The following PCDHGA3 variants were observed in gnomAD, a reference collection of about 807,000 sequenced individuals.
The protein encoded by PCDHGA3 is protocadherin gamma-A3.
Under a neutral mutation model 58.5 loss-of-function variants are expected in PCDHGA3, and 40 were observed. The observed-to-expected ratio is 0.68, with a 90% CI of 0.53 to 0.89. The LOEUF is 0.89. PCDHGA3 is among the 40% of genes least tolerant of loss of function. The pLI is 0.00. For missense variants in PCDHGA3, 1,223 were observed against 1,195.9 expected (o/e 1.02, Z -0.33); for synonymous variants, 530 against 525.7 (o/e 1.01, Z -0.11).
intron 1 of PCDHGA3, chr5:141,371,961 G>T (rs532361069): frequency 3.1e-6 from 5 of 1,613,240 alleles, no homozygotes; most frequent in Admixed American, 1.7e-5. Flanking sequence ...CTTCGACCAC[G>T]AGCAGCTGCG....
At chr5:141,365,311 T>C in intron 1 of PCDHGA3, 1 of 1,613,980 alleles carries the variant, frequency 6.2e-7, no homozygotes, top group Non-Finnish European at 8.5e-7. Flanking sequence ...GAGGCGCTCT[T>C]GTTGCCAGCG....
intron 1 of PCDHGA3, among the ~76,000 whole-genome samples, chr5:141,463,073 C>G (rs911706393): frequency 6.6e-6 from 1 of 152,110 alleles, no homozygotes; most frequent in African/African-American, 2.4e-5. Flanking sequence ...AAATGAAATT[C>G]AAACATTTTC....
chr5:141,397,359 A>T (rs372780097), intron 1 of PCDHGA3, among the ~76,000 whole-genome samples: 10 of 152,226 alleles, frequency 6.6e-5, no homozygotes, highest in African/African-American at 2.4e-4. Flanking sequence ...AGTCAGGAAG[A>T]GGAGATGTTT....
chr5:141,466,203 C>G (rs1291051063), intron 1 of PCDHGA3, among the ~76,000 whole-genome samples: 1 of 151,914 alleles, frequency 6.6e-6, no homozygotes, highest in Non-Finnish European at 1.5e-5. Context: ...CACAGCCTTG[C>G]TCTGTTACCC....
In PCDHGA3 at chr5:141,389,561, G is replaced by A. The variant is rs115696241; in HGVS notation, c.2424+43104G>A. On this transcript the variant is annotated intron_variant, in intron 1 of 3. Transcript: ENST00000253812. Reference sequence around the variant, plus strand: ...ACGACCGCAACGACAATGCGCCACGGGTGCTGTACCCCGCGCTGGGTCCCG... The same window carrying A: ...ACGACCGCAACGACAATGCGCCACGAGTGCTGTACCCCGCGCTGGGTCCCG... 3,114 of 1,613,258 alleles carry A rather than the reference G, an allele frequency of 1.9e-3. 62 individuals carry two copies. The African/African-American group carries it at 0.034, about 18-fold the overall frequency.
rs150249178 is a variant in PCDHGA3 at position 141,432,742 on chromosome 5, C to A, written c.2425-62065C>A. 154 of 1,614,076 alleles carry A rather than the reference C, an allele frequency of 9.5e-5. No individual in the cohort carries two copies. In the Middle Eastern group the frequency reaches 1.3e-3, roughly 14 times the overall value. On this transcript the variant is annotated intron_variant, in intron 1 of 3. Transcript: ENST00000253812. This position sits in a 1 kb window ranked among gnomAD's most constrained non-coding sequence, Gnocchi z 6.0. ...CTCTCTCCGCCACTGTCACGCTCAC[C>A]GTGGCCGTGGCCGACAGCATCCCCC... is the stretch of plus-strand genomic sequence containing the variant.
chr5:141,364,993 A>C, intron 1 of PCDHGA3: 1 of 1,613,740 alleles, frequency 6.2e-7, no homozygotes, highest in Non-Finnish European at 8.5e-7. Context: ...GAGACCCGGT[A>C]CTCTCCGGCA....
At position 141,404,471 on chromosome 5, in the gene PCDHGA3, A is replaced by G. The variant is rs200620626; in HGVS notation, c.2424+58014A>G. ...GTCTCCTCTCTCCACCTATGTCTCT[A>G]TTAACTCAGACACTGGTGTGCTGTA... On this transcript the variant is annotated intron_variant, in intron 1 of 3. Coordinates refer to ENST00000253812, the MANE Select transcript of PCDHGA3 (RefSeq NM_018916.4). 307 of 1,613,160 alleles carry G rather than the reference A, an allele frequency of 1.9e-4. No homozygotes were observed. Among genetic ancestry groups the G allele is most frequent in the Non-Finnish European group, 2.5e-4 (293 of 1,179,322 alleles).
chr5:141,371,712 C>T (rs1403380623), intron 1 of PCDHGA3: 1 of 1,614,078 alleles, frequency 6.2e-7, no homozygotes, highest in Admixed American at 1.7e-5. Context: ...GACCATCACT[C>T]TGCACATCCT....
intron 1 of PCDHGA3, chr5:141,414,562 A>G (rs770740530): frequency 3.1e-6 from 5 of 1,613,924 alleles, no homozygotes; most frequent in Non-Finnish European, 4.2e-6. Context: ...CTCCTACTTT[A>G]CCTATATCCC....
intron 1 of PCDHGA3, chr5:141,383,742 T>C: frequency 6.2e-7 from 1 of 1,613,986 alleles, no homozygotes; most frequent in Non-Finnish European, 8.5e-7. Flanking sequence ...CATATTCTTT[T>C]CGGAAAATAA....
intron 3 of PCDHGA3, among the ~76,000 whole-genome samples, chr5:141,506,943 T>A (rs2099857373): frequency 6.6e-6 from 1 of 152,192 alleles, no homozygotes; most frequent in South Asian, 2.1e-4. Context: ...GGGCCTCCTG[T>A]CAATGAATCC....
chr5:141,489,300 C>A lies in PCDHGA3; in HGVS notation c.2425-5507C>A. On this transcript the variant is annotated intron_variant, in intron 1 of 3. Coordinates refer to ENST00000253812, the MANE Select transcript of PCDHGA3 (RefSeq NM_018916.4). The surrounding 1 kb of genome is among the most constrained non-coding windows in gnomAD (Gnocchi z 4.5). ...AATGGCAAGTGCTGTGCATGTTGTC[C>A]TTGTGCTGCTGGGGCTGGGTGTCTG... 1 of 1,585,698 alleles carries A rather than the reference C, an allele frequency of 6.3e-7. No homozygotes were observed. Among genetic ancestry groups the A allele is most frequent in the South Asian group, 1.2e-5 (1 of 85,012 alleles).
At chr5:141,403,701 A>C in intron 1 of PCDHGA3, 2 of 1,613,934 alleles carry the variant, frequency 1.2e-6, no homozygotes, top group South Asian at 2.2e-5. Flanking sequence ...TACCGAGTTA[A>C]AGTCCTTGAG....
chr5:141,415,893 A>G, intron 1 of PCDHGA3: 2 of 904,826 alleles, frequency 2.2e-6, no homozygotes, highest in Non-Finnish European at 3.0e-6. Flanking sequence ...GACAATTCCT[A>G]AGACAGACTT....
intron 1 of PCDHGA3, chr5:141,408,201 C>A: frequency 6.5e-7 from 1 of 1,549,032 alleles, no homozygotes; most frequent in Non-Finnish European, 8.7e-7. Context: ...CCCGAGCGAA[C>A]GATGGGAGGG....
At chr5:141,467,627 G>A (rs2099147481) in intron 1 of PCDHGA3, among the ~76,000 whole-genome samples, 1 of 152,140 alleles carries the variant, frequency 6.6e-6, no homozygotes, top group South Asian at 2.1e-4. Context: ...ATTTGAGATA[G>A]CATCTTTATC....
At chr5:141,417,068 T>C (rs1433034146) in intron 1 of PCDHGA3, 1 of 152,154 alleles carries the variant, frequency 6.6e-6, no homozygotes, top group African/African-American at 2.4e-5. Context: ...ATTGTAGCTA[T>C]TGTGAGAAAA....
At position 141,384,387 on chromosome 5, in the gene PCDHGA3, C is replaced by T. The variant is rs774707320; in HGVS notation, c.2424+37930C>T. The T allele has an allele frequency of 3.1e-6, 5 of 1,613,950 alleles. No homozygotes were observed. The South Asian group carries it at 5.5e-5, about 18-fold the overall frequency. On this transcript the variant is annotated intron_variant, in intron 1 of 3. Transcript: ENST00000253812. ...CTTATTCCTTGGCCGAAGACACCATCCAGGGGGCTCCAGTGTCCTCCTATG... is the reference window on the plus strand; with the variant it reads ...CTTATTCCTTGGCCGAAGACACCATTCAGGGGGCTCCAGTGTCCTCCTATG...
Sources: gnomAD v4.1 joint callset for allele counts (sites outside exome capture counted in the v4.1 genomes callset) on GRCh38, gnomAD v4.1.1 for gene constraint, Gnocchi (gnomAD v3.1) non-coding constraint, MANE v1.5 for transcripts, NCBI Gene and HGNC (gene_info 2026-07-23, HGNC 2026-07-21) for gene names.